Variants in CTNNBL1 observed in about 807,000 individuals in gnomAD.
CTNNBL1 encodes catenin beta like 1, also known as beta-catenin-like protein 1.
CTNNBL1 carries 31 observed loss-of-function variants against 72.7 expected under a neutral mutation model. The ratio of observed to expected loss-of-function variants is 0.43; its 90% CI spans 0.32 to 0.58. CTNNBL1 has a LOEUF of 0.58. Among genes scored for constraint, CTNNBL1 ranks in the 20% least tolerant of loss-of-function variants. CTNNBL1 has a pLI of 0.08. For missense variants in CTNNBL1, 534 were observed against 725.1 expected (o/e 0.74, Z 3.03); for synonymous variants, 240 against 267.3 (o/e 0.90, Z 1.00).
At chr20:37,778,478 G>A (rs934449273) in intron 9 of CTNNBL1, among the ~76,000 whole-genome samples, 1 of 152,120 alleles carries the variant, frequency 6.6e-6, no homozygotes, top group Non-Finnish European at 1.5e-5. Flanking sequence ...GTTCTGGGAA[G>A]GTGCTTAGTC....
chr20:37,716,186 G>T (rs1228696561), intron 1 of CTNNBL1, among the ~76,000 whole-genome samples: 1 of 152,166 alleles, frequency 6.6e-6, no homozygotes, highest in Non-Finnish European at 1.5e-5. Flanking sequence ...AGCAAGGTAT[G>T]CATTTTGCCT....
chr20:37,734,595 C>T (rs1027933667), intron 2 of CTNNBL1, among the ~76,000 whole-genome samples: 2 of 152,166 alleles, frequency 1.3e-5, no homozygotes, highest in Non-Finnish European at 1.5e-5. Context: ...AAAAAGAGAT[C>T]GCTTTGTAAA....
intron 10 of CTNNBL1, among the ~76,000 whole-genome samples, chr20:37,786,621 A>G (rs1047487228): frequency 3.3e-5 from 5 of 152,096 alleles, no homozygotes; most frequent in African/African-American, 7.2e-5. Context: ...ATGGTCTACA[A>G]TGCTTGTAGC....
At chr20:37,855,532 G>C (rs1394234117) in intron 13 of CTNNBL1, among the ~76,000 whole-genome samples, 1 of 152,200 alleles carries the variant, frequency 6.6e-6, no homozygotes, top group African/African-American at 2.4e-5. Context: ...TCTCTGTTGA[G>C]TGGGTAAATG....
chr20:37,834,274 G>A (rs1264190900), intron 11 of CTNNBL1, among the ~76,000 whole-genome samples: 1 of 144,306 alleles, frequency 6.9e-6, no homozygotes, highest in Non-Finnish European at 1.5e-5. Flanking sequence ...ACATTCTCTT[G>A]CAACTCTTTC....
At position 37,860,021 on chromosome 20, in the gene CTNNBL1, T is replaced by C. The variant is rs1185432763; in HGVS notation, c.1515T>C (p.Asn505=). ...GCTACATCATGGCCGAGATCTGCAATGCCAATGTCCCCCAGGTAGGAGGGT... is the reference window on the plus strand; with the variant it reads ...GCTACATCATGGCCGAGATCTGCAACGCCAATGTCCCCCAGGTAGGAGGGT... ...HICYIMAEIC[N]ANVPQIRQRV... The change falls in exon 14 of 16, where the codon AAT becomes AAC. Residue 505 remains asparagine, a synonymous_variant. Transcript: ENST00000361383. 1 of 1,614,092 alleles carries C rather than the reference T, an allele frequency of 6.2e-7. No homozygotes were observed. Among genetic ancestry groups the C allele is most frequent in the African/African-American group, 1.3e-5 (1 of 74,932 alleles).
intron 5 of CTNNBL1, among the ~76,000 whole-genome samples, chr20:37,759,589 G>A (rs946819010): frequency 5.9e-5 from 9 of 152,198 alleles, no homozygotes; most frequent in East Asian, 3.9e-4. Context: ...CTAGGTAACT[G>A]CTATACAGGA....
intron 6 of CTNNBL1, among the ~76,000 whole-genome samples, chr20:37,765,626 CATTTT>C (rs903369209): frequency 6.6e-6 from 1 of 152,186 alleles, no homozygotes; most frequent in African/African-American, 2.4e-5. Flanking sequence ...TATATTTAAA[CATTTT>C]AAATCCTTTT....
At chr20:37,770,860 T>G (rs1438175102) in intron 7 of CTNNBL1, among the ~76,000 whole-genome samples, 1 of 152,242 alleles carries the variant, frequency 6.6e-6, no homozygotes, top group Non-Finnish European at 1.5e-5. Flanking sequence ...ATTCTTTCAT[T>G]AATTAGTTAA....
Position 37,871,207 on chromosome 20 carries a change from C to T in CTNNBL1, c.1604-718C>T, listed in dbSNP as rs561892894. Among the ~76,000 whole-genome samples, 218 of 152,322 alleles carry T rather than the reference C, an allele frequency of 1.4e-3. 2 individuals are homozygous for T. The highest frequency in any genetic ancestry group is 2.2e-3 in the Non-Finnish European group (147 of 68,036). ...AAGAATTTGTGTTTCTAGTAAGTTT[C>T]CATGCAGTGCTGCTGCTGCTGCTGC... On this transcript the variant is annotated intron_variant, in intron 15 of 15. Transcript: ENST00000361383.
chr20:37,744,336 T>C (rs1322538791), intron 3 of CTNNBL1, among the ~76,000 whole-genome samples: 1 of 152,242 alleles, frequency 6.6e-6, no homozygotes, highest in African/African-American at 2.4e-5. Context: ...AAGTCATGTG[T>C]ACTCTTTGAC....
At position 37,732,963 on chromosome 20, in the gene CTNNBL1, G is replaced by A. The variant is rs770335443; in HGVS notation, c.115G>A (p.Gly39Ser). 90 of 1,613,932 alleles carry A rather than the reference G, an allele frequency of 5.6e-5. No homozygotes were observed. The highest frequency in any genetic ancestry group is 7.0e-5 in the Non-Finnish European group (83 of 1,180,028). Residue 39 changes from glycine (G) to serine (S), a missense_variant, in exon 2 of 16, where the codon GGC becomes AGC. Gly to Ser is a moderately conservative substitution (Grantham distance 56). Coordinates refer to ENST00000361383, the MANE Select transcript of CTNNBL1 (RefSeq NM_030877.5). ...RRKQTGTRER[G>S]RYREEEMTVV... ...GAAACAAACTGGTACTCGAGAACGCGGCCGCTATCGGGAAGAAGAAATGAC... is the reference window on the plus strand; with the variant it reads ...GAAACAAACTGGTACTCGAGAACGCAGCCGCTATCGGGAAGAAGAAATGAC...
chr20:37,869,247 A>G (rs73904796), intron 15 of CTNNBL1, among the ~76,000 whole-genome samples: 7,587 of 152,316 alleles, frequency 0.05, 631 homozygotes, highest in African/African-American at 0.17. Context: ...AAGAGGTAGC[A>G]GGAGCAAAAT....
At chr20:37,756,547 C>G (rs2073365740) in intron 4 of CTNNBL1, among the ~76,000 whole-genome samples, 1 of 151,392 alleles carries the variant, frequency 6.6e-6, no homozygotes, top group South Asian at 2.1e-4. Flanking sequence ...GTTCTGCCAC[C>G]CAGTTTCCAA....
intron 15 of CTNNBL1, among the ~76,000 whole-genome samples, chr20:37,864,829 T>C (rs2072523684): frequency 1.6e-5 from 1 of 62,818 alleles, no homozygotes; most frequent in Admixed American, 2.1e-4. Flanking sequence ...TGCTGTAGGC[T>C]TCTTCTATTC....
At chr20:37,758,738 G>A (rs2073387359) in intron 5 of CTNNBL1, among the ~76,000 whole-genome samples, 1 of 152,164 alleles carries the variant, frequency 6.6e-6, no homozygotes, top group Non-Finnish European at 1.5e-5. Flanking sequence ...TTTTCTCTCT[G>A]GTAAGAATGT....
intron 13 of CTNNBL1, among the ~76,000 whole-genome samples, chr20:37,844,459 C>T (rs990559694): frequency 8.5e-5 from 13 of 152,118 alleles, no homozygotes; most frequent in African/African-American, 2.9e-4. Context: ...GAATTAAAAG[C>T]GCAGTGATAG....
intron 10 of CTNNBL1, among the ~76,000 whole-genome samples, chr20:37,787,732 T>G (rs2073691565): frequency 6.6e-6 from 1 of 152,210 alleles, no homozygotes; most frequent in South Asian, 2.1e-4. Flanking sequence ...CGTTTAGCCC[T>G]TTTCCTGTTT....
Position 37,842,383 on chromosome 20 carries a change from G to A in CTNNBL1, c.1356G>A (p.Met452Ile), listed in dbSNP as rs368235471. 3.7e-6 allele frequency: 6 copies of A among 1,613,886 alleles called. No individual in the cohort carries two copies. In the African/African-American group the frequency reaches 8.0e-5, roughly 22 times the overall value. The change falls in exon 13 of 16, where the codon ATG (methionine) becomes ATA (isoleucine). Residue 452 changes from methionine to isoleucine, a missense_variant. Transcript: ENST00000361383. ...TGCATTTTAAATATCTGGGTGCAAT[G>A]CAGGTGGCGGACAAGAAGATTGAAG... ...MELHFKYLGA[M>I]QVADKKIEGE...
Sources: allele counts gnomAD v4.1 joint callset (sites outside exome capture counted in the v4.1 genomes callset), GRCh38; gene constraint gnomAD v4.1.1; transcripts MANE v1.5; gene names NCBI Gene and HGNC (gene_info 2026-07-23, HGNC 2026-07-21).